Variants in GNAT3 observed in about 807,000 individuals in gnomAD.
The protein encoded by GNAT3 is guanine nucleotide-binding protein G(t) subunit alpha-3.
A neutral mutation model predicts 37.7 loss-of-function variants in GNAT3; 31 were observed. The ratio of observed to expected loss-of-function variants is 0.82; its 90% CI spans 0.62 to 1.11. The LOEUF is 1.11. Ranked by LOEUF, GNAT3 falls within the 50% of genes most tolerant of loss-of-function variation. GNAT3 has a pLI of 0.00. For missense variants in GNAT3, 437 were observed against 412.5 expected (o/e 1.06, Z -0.51); for synonymous variants, 138 against 139.8 (o/e 0.99, Z 0.09).
intron 3 of GNAT3, among the ~76,000 whole-genome samples, chr7:80,483,419 A>G (rs1486670315): frequency 6.6e-6 from 1 of 152,152 alleles, no homozygotes; most frequent in East Asian, 1.9e-4. Context: ...TTTAAAATAT[A>G]TAACACCAAA....
intron 1 of GNAT3, among the ~76,000 whole-genome samples, chr7:80,507,326 TA>T (rs934512341): frequency 3.3e-5 from 5 of 151,150 alleles, no homozygotes; most frequent in East Asian, 1.9e-4. Flanking sequence ...TAGGGATAAT[TA>T]AAAAAAAATA....
At chr7:80,486,627 T>C (rs1790488427) in intron 3 of GNAT3, 1 of 142,928 alleles carries the variant, frequency 7.0e-6, no homozygotes, top group Non-Finnish European at 1.5e-5. Context: ...TTTCTTTTTC[T>C]TTTCCTTTTT....
chr7:80,474,755 T>C (rs1164727495), intron 4 of GNAT3, among the ~76,000 whole-genome samples: 1 of 152,140 alleles, frequency 6.6e-6, no homozygotes, highest in African/African-American at 2.4e-5. Flanking sequence ...TGTATATGGA[T>C]AGGAGTATGA....
At chr7:80,481,444 T>C (rs965464012) in intron 3 of GNAT3, among the ~76,000 whole-genome samples, 4 of 152,142 alleles carry the variant, frequency 2.6e-5, no homozygotes, top group Admixed American at 6.6e-5. Flanking sequence ...CGCATTAACA[T>C]TGAAACAGAG....
chr7:80,484,799 C>G (rs866505899), intron 3 of GNAT3, among the ~76,000 whole-genome samples: 6 of 151,964 alleles, frequency 3.9e-5, no homozygotes, highest in African/African-American at 9.7e-5. Flanking sequence ...TAAGAACAAT[C>G]CCGATTTAGC....
In GNAT3 at chr7:80,458,873, A is replaced by T. The variant is rs1306042670; in HGVS notation, c.875-12T>A. On this transcript the variant is annotated splice_polypyrimidine_tract_variant and intron_variant, in intron 7 of 7. Coordinates refer to ENST00000398291, the MANE Select transcript of GNAT3 (RefSeq NM_001102386.3). ...AAATGTATTTGGCCCTTGTTAAACA[A>T]AATATTTGAAGAAGTAAAGATTAAT... 1.3e-6 allele frequency: 2 copies of T among 1,511,838 alleles called. No homozygotes were observed. The highest frequency in any genetic ancestry group is 1.8e-6 in the Non-Finnish European group (2 of 1,119,896). The allele number at this position is 1,511,838 out of a possible 1,614,324, so 93.7% of individuals were successfully genotyped here.
At chr7:80,499,352 A>AT (rs1447569986) in intron 1 of GNAT3, among the ~76,000 whole-genome samples, 7 of 152,242 alleles carry the variant, frequency 4.6e-5, no homozygotes, top group Non-Finnish European at 7.4e-5. Flanking sequence ...TTTTAAATGC[A>AT]TTTTTTATAA....
intron 1 of GNAT3, among the ~76,000 whole-genome samples, chr7:80,509,792 A>G (rs1446837112): frequency 2.0e-5 from 3 of 152,084 alleles, no homozygotes; most frequent in South Asian, 2.1e-4. Flanking sequence ...ATTTTCAGTG[A>G]TGTGTTTTCA....
At chr7:80,497,101 T>C (rs1473164981) in intron 1 of GNAT3, among the ~76,000 whole-genome samples, 2 of 152,164 alleles carry the variant, frequency 1.3e-5, no homozygotes, top group Non-Finnish European at 2.9e-5. Flanking sequence ...AGTTGATAGA[T>C]GCAAAAATCA....
rs59508016 is a variant in GNAT3 at position 80,496,775 on chromosome 7, A to G, written c.119-2128T>C. On this transcript the variant is annotated intron_variant, in intron 1 of 7. Transcript: ENST00000398291. ...TTTTTCCTCACTGAAATGTTTCTGC[A>G]TGATTTACAATGTTTTCTTAAGCCT... Among the ~76,000 whole-genome samples the G allele has an allele frequency of 8.9e-3, 1,350 of 151,908 alleles. 21 individuals are homozygous for G. Among genetic ancestry groups the G allele is most frequent in the African/African-American group, 0.031 (1,289 of 41,458 alleles).
At chr7:80,468,953 T>C (rs1790165991) in intron 5 of GNAT3, among the ~76,000 whole-genome samples, 1 of 152,110 alleles carries the variant, frequency 6.6e-6, no homozygotes, top group African/African-American at 2.4e-5. Flanking sequence ...ACATCATATT[T>C]TATAACTTAT....
At chr7:80,465,367 G>T (rs1245842855) in intron 5 of GNAT3, among the ~76,000 whole-genome samples, 1 of 152,080 alleles carries the variant, frequency 6.6e-6, no homozygotes, top group Non-Finnish European at 1.5e-5. Context: ...TTTACTATTT[G>T]TCGGGTATAT....
Position 80,462,761 on chromosome 7 carries a change from T to A in GNAT3, c.591-130A>T. ...AGGTATTCTTTTGACTTTTATTGAT[T>A]ATAAAATTAAATTTATTTGGTCAAA... On this transcript the variant is annotated intron_variant, in intron 5 of 7. Transcript: ENST00000398291. 4 of 610,900 alleles carry A rather than the reference T, an allele frequency of 6.5e-6. No individual in the cohort carries two copies. The South Asian group carries it at 1.3e-4, about 19-fold the overall frequency. 37.8% of individuals were successfully genotyped at this position (610,900 alleles called of 1,614,324 possible).
chr7:80,480,251 A>G (rs73369025), intron 3 of GNAT3, among the ~76,000 whole-genome samples: 3,925 of 151,760 alleles, frequency 0.026, 139 homozygotes, highest in African/African-American at 0.08. Flanking sequence ...ACAATTTACA[A>G]AACTGCACAT....
chr7:80,489,600 C>T (rs1465161722), intron 2 of GNAT3, among the ~76,000 whole-genome samples: 1 of 152,048 alleles, frequency 6.6e-6, no homozygotes, highest in East Asian at 1.9e-4. Context: ...GAAATCTGAA[C>T]TGAAAGGAGT....
At chr7:80,511,736 G>T in intron 1 of GNAT3, 73 bp downstream of exon 1, 1 of 859,624 alleles carries the variant, frequency 1.2e-6, no homozygotes, top group Non-Finnish European at 1.9e-6. Flanking sequence ...CGAAATTAAA[G>T]TCTGAGAAAA....
At chr7:80,477,383 G>GAGAT (rs1221795800) in intron 4 of GNAT3, among the ~76,000 whole-genome samples, 10 of 152,104 alleles carry the variant, frequency 6.6e-5, no homozygotes, top group African/African-American at 2.2e-4. Flanking sequence ...CTCCACTGCA[G>GAGAT]AGATCCCTTG....
At chr7:80,494,053 C>G (rs978207141) in intron 2 of GNAT3, among the ~76,000 whole-genome samples, 1 of 152,130 alleles carries the variant, frequency 6.6e-6, no homozygotes, top group Non-Finnish European at 1.5e-5. Flanking sequence ...ACCCATTTAC[C>G]TTTACTTATC....
intron 1 of GNAT3, among the ~76,000 whole-genome samples, chr7:80,501,449 C>T (rs1007415813): frequency 6.6e-6 from 1 of 151,672 alleles, no homozygotes; most frequent in African/African-American, 2.4e-5. Flanking sequence ...TCTACAAAAC[C>T]AAAATACTAT....
Sources: allele counts gnomAD v4.1 joint callset (sites outside exome capture counted in the v4.1 genomes callset), GRCh38; gene constraint gnomAD v4.1.1; transcripts MANE v1.5; gene names NCBI Gene and HGNC (gene_info 2026-07-23, HGNC 2026-07-21).